Variants in PPP2R5C observed in about 807,000 individuals in gnomAD.
The protein encoded by PPP2R5C is protein phosphatase 2 regulatory subunit B'gamma.
A neutral mutation model predicts 68.9 loss-of-function variants in PPP2R5C; 7 were observed. The observed-to-expected ratio is 0.10, with a 90% CI of 0.06 to 0.19. The LOEUF is 0.19. Ranked by LOEUF, PPP2R5C falls within the 10% of genes least tolerant of loss-of-function variation. The pLI is 1.00. For synonymous variants in PPP2R5C, 210 were observed against 222.2 expected (o/e 0.95, Z 0.49); for missense variants, 348 against 641.3 (o/e 0.54, Z 4.94).
At chr14:101,772,555 G>A (rs907715321) in intron 2 of PPP2R5C, among the ~76,000 whole-genome samples, 1 of 152,148 alleles carries the variant, frequency 6.6e-6, no homozygotes, top group Admixed American at 6.5e-5. Flanking sequence ...GGCACTTTGG[G>A]AGGCCGAGTC....
intron 1 of PPP2R5C, chr14:101,820,550 C>G (rs1437080651): frequency 6.6e-6 from 1 of 152,214 alleles, no homozygotes; most frequent in African/African-American, 2.4e-5. Context: ...GGAACTATCA[C>G]TTGTTGAATT....
chr14:101,906,784 AG>A lies in PPP2R5C; in HGVS notation c.1151+257del, dbSNP rs1443387734. 1 of 439,312 alleles carries A rather than the reference AG, an allele frequency of 2.3e-6. No homozygotes were observed. Among genetic ancestry groups the A allele is most frequent in the Non-Finnish European group, 4.0e-6 (1 of 247,820 alleles). The allele number at this position is 439,312 out of a possible 1,614,324, so 27.2% of individuals were successfully genotyped here. A position where few individuals can be genotyped will look rare whatever the true frequency, so the allele number is the denominator to read the frequency against. ...CCACCTCCCAGTAGCAGCAGTTTCTAGGCCTCTTCCTGAGCGTCCTGCAGAG... is the reference window on the plus strand; with the variant it reads ...CCACCTCCCAGTAGCAGCAGTTTCTAGCCTCTTCCTGAGCGTCCTGCAGAG... On this transcript the variant is annotated intron_variant, in intron 10 of 13. Coordinates refer to ENST00000334743, the Ensembl canonical transcript of PPP2R5C. The surrounding 1 kb of genome is among the most constrained non-coding windows in gnomAD (Gnocchi z 4.0).
intron 8 of PPP2R5C, among the ~76,000 whole-genome samples, chr14:101,900,806 G>A (rs1010577496): frequency 2.6e-5 from 4 of 152,216 alleles, no homozygotes; most frequent in Admixed American, 6.5e-5. Flanking sequence ...ACTGCAGTCC[G>A]ACGGGCTGTG....
chr14:101,874,580 C>T, intron 2 of PPP2R5C, among the ~76,000 whole-genome samples: 1 of 152,182 alleles, frequency 6.6e-6, no homozygotes, highest in South Asian at 2.1e-4. Context: ...ATTCTAAACT[C>T]AAAAAATATA....
At chr14:101,799,937 C>A (rs543394201) in intron 3 of PPP2R5C, among the ~76,000 whole-genome samples, 3 of 152,234 alleles carry the variant, frequency 2.0e-5, no homozygotes, top group Non-Finnish European at 2.9e-5. Flanking sequence ...ATTCTCCCTG[C>A]AGTGACTTAA....
chr14:101,826,704 C>A (rs2040419326), intron 1 of PPP2R5C, among the ~76,000 whole-genome samples: 1 of 152,012 alleles, frequency 6.6e-6, no homozygotes, highest in Non-Finnish European at 1.5e-5. Flanking sequence ...TAGCAATGTT[C>A]CTTGTCTCTT....
At chr14:101,856,514 C>T (rs1450263864) in intron 1 of PPP2R5C, among the ~76,000 whole-genome samples, 172 bp from the exon 4 acceptor site, 2 of 152,160 alleles carry the variant, frequency 1.3e-5, no homozygotes, top group Non-Finnish European at 2.9e-5. Flanking sequence ...CAGCGACTAG[C>T]TGGGTTTTTT....
intron 5 of PPP2R5C, among the ~76,000 whole-genome samples, chr14:101,886,468 ATGCTTTTGATAGTCTTTTCTGTAATTG>A (rs2044522892): frequency 1.3e-5 from 2 of 152,040 alleles, no homozygotes; most frequent in Middle Eastern, 3.2e-3. Flanking sequence ...AATTGTGTGC[ATGCTTTTGATAGTCTTTTCTGTAATTG>A]TGTGCATGCT....
At chr14:101,799,124 G>A (rs535167085) in intron 3 of PPP2R5C, among the ~76,000 whole-genome samples, 2 of 152,286 alleles carry the variant, frequency 1.3e-5, no homozygotes, top group South Asian at 4.1e-4. Flanking sequence ...AAGAGCTTGT[G>A]GTCCAAGCCA....
intron 13 of PPP2R5C, among the ~76,000 whole-genome samples, chr14:101,920,007 T>C (rs988683970): frequency 4.5e-5 from 6 of 133,094 alleles, no homozygotes; most frequent in African/African-American, 6.5e-5. Flanking sequence ...TTCTTACACA[T>C]TAAATAGCTT....
chr14:101,897,285 T>C (rs2045393659), intron 8 of PPP2R5C, among the ~76,000 whole-genome samples: 1 of 152,206 alleles, frequency 6.6e-6, no homozygotes, highest in South Asian at 2.1e-4. Flanking sequence ...AAATGAACAG[T>C]GTTAATAAAA....
At position 101,919,980 on chromosome 14, in the gene PPP2R5C, A is replaced by AACAAAAAAAC. The variant is rs1555403924; in HGVS notation, c.1443+2034_1443+2035insCAAAAAAACA. ...GCAAAACTCCGTCTCAAAAAAAAAA[A>AACAAAAAAAC]AAAAAAAAAAAACCAATTCTTACAC... On this transcript the variant is annotated intron_variant, in intron 13 of 13. Transcript: ENST00000334743. 4.5e-3 allele frequency among the ~76,000 whole-genome samples: 516 copies of AACAAAAAAAC among 114,182 alleles called. 14 individuals carry two copies. The highest frequency in any genetic ancestry group is 0.022 in the African/African-American group (495 of 22,326). 74.9% of individuals were successfully genotyped at this position (114,182 alleles called of 152,430 possible).
intron 8 of PPP2R5C, among the ~76,000 whole-genome samples, chr14:101,900,322 T>C (rs866904965): frequency 2.0e-5 from 3 of 152,236 alleles, no homozygotes; most frequent in African/African-American, 7.2e-5. Flanking sequence ...TTTTAAAAAA[T>C]CACTGTAATG....
At chr14:101,778,974 C>A (rs1175382049) in intron 2 of PPP2R5C, among the ~76,000 whole-genome samples, 2 of 152,118 alleles carry the variant, frequency 1.3e-5, no homozygotes, top group Non-Finnish European at 2.9e-5. Flanking sequence ...GGAGGAGAAT[C>A]ATTTGAGCCC....
intron 13 of PPP2R5C, among the ~76,000 whole-genome samples, chr14:101,922,868 T>A (rs2047089308): frequency 6.6e-6 from 1 of 152,232 alleles, no homozygotes; most frequent in South Asian, 2.1e-4. Flanking sequence ...GAAATGTTGA[T>A]TATTTCTATC....
At chr14:101,812,327 C>T (rs974100880) in intron 1 of PPP2R5C, among the ~76,000 whole-genome samples, 6 of 152,124 alleles carry the variant, frequency 3.9e-5, no homozygotes, top group South Asian at 2.1e-4. Context: ...GCAGGGTGCC[C>T]GGGAGAGCAG....
At chr14:101,922,176 C>T in intron 13 of PPP2R5C, 1 of 985,306 alleles carries the variant, frequency 1.0e-6, no homozygotes, top group Non-Finnish European at 1.2e-6. Flanking sequence ...TTGTGATGGT[C>T]AAAACAAAGA....
chr14:101,810,864 T>C, intron 1 of PPP2R5C, among the ~76,000 whole-genome samples: 1 of 152,240 alleles, frequency 6.6e-6, no homozygotes, highest in East Asian at 1.9e-4. Context: ...AGTAGCCTAC[T>C]TATTCTTGGT....
intron 3 of PPP2R5C, among the ~76,000 whole-genome samples, chr14:101,791,673 A>G (rs1174874685): frequency 6.6e-6 from 1 of 151,470 alleles, no homozygotes; most frequent in African/African-American, 2.4e-5. Flanking sequence ...TTCATTTATG[A>G]AAGTTCTGTT....
Sources: allele counts gnomAD v4.1 joint callset (sites outside exome capture counted in the v4.1 genomes callset), GRCh38; gene constraint gnomAD v4.1.1; non-coding constraint Gnocchi (gnomAD v3.1); transcripts MANE v1.5; gene names NCBI Gene and HGNC (gene_info 2026-07-23, HGNC 2026-07-21).